Variants in TNNI3K observed in about 807,000 individuals in gnomAD.
TNNI3K encodes the protein serine/threonine-protein kinase TNNI3K.
Under a neutral mutation model 114.5 loss-of-function variants are expected in TNNI3K, and 140 were observed. That is an observed-to-expected ratio of 1.22 (90% CI 1.07 to 1.41). The LOEUF is 1.41. Ranked by LOEUF, TNNI3K falls within the 40% of genes most tolerant of loss-of-function variation. The probability of loss-of-function intolerance (pLI) is 0.00; values close to 1 mark genes in which losing one functional copy is unlikely to be tolerated. For missense variants in TNNI3K, 1,125 were observed against 1,007.6 expected (o/e 1.12, Z -1.58); for synonymous variants, 347 against 347.5 (o/e 1.00, Z 0.02).
intron 17 of TNNI3K, among the ~76,000 whole-genome samples, chr1:74,433,865 T>C (rs1340974320): frequency 1.3e-5 from 2 of 152,064 alleles, no homozygotes; most frequent in African/African-American, 2.4e-5. Context: ...TATGGCTCTT[T>C]CTCACTGTGT....
intron 2 of TNNI3K, among the ~76,000 whole-genome samples, chr1:74,238,579 G>T (rs1654000313): frequency 6.6e-6 from 1 of 152,008 alleles, no homozygotes; most frequent in South Asian, 2.1e-4. Context: ...AAAATGTAAA[G>T]TATTAGCACA....
intron 5 of TNNI3K, among the ~76,000 whole-genome samples, chr1:74,315,466 G>T (rs1659254114): frequency 6.6e-6 from 1 of 151,996 alleles, no homozygotes; most frequent in Non-Finnish European, 1.5e-5. Context: ...CAATGTCAGA[G>T]AATTAGTAAG....
At chr1:74,419,719 C>G (rs1338955239) in intron 17 of TNNI3K, among the ~76,000 whole-genome samples, 2 of 152,056 alleles carry the variant, frequency 1.3e-5, no homozygotes, top group African/African-American at 4.8e-5. Context: ...GCAAAAGTTT[C>G]CATCTAGTTC....
intron 2 of TNNI3K, among the ~76,000 whole-genome samples, chr1:74,245,276 G>A (rs1283009632): frequency 2.0e-5 from 3 of 152,172 alleles, no homozygotes; most frequent in Admixed American, 1.3e-4. Context: ...TCTAAACTCT[G>A]GTAGGGTACT....
intron 21 of TNNI3K, among the ~76,000 whole-genome samples, chr1:74,466,533 T>C (rs1667689171): frequency 1.3e-5 from 2 of 152,198 alleles, no homozygotes; most frequent in South Asian, 4.1e-4. Flanking sequence ...GAAGTGAAGT[T>C]TGTCAGCACG....
At chr1:74,370,519 C>T (rs1420088410) in intron 17 of TNNI3K, 127 bp downstream of exon 17, 2 of 696,940 alleles carry the variant, frequency 2.9e-6, no homozygotes, top group Non-Finnish European at 4.3e-6. Flanking sequence ...GGACAGGCTA[C>T]CATAAGCTTA....
intron 20 of TNNI3K, among the ~76,000 whole-genome samples, chr1:74,443,214 A>G (rs1452564148): frequency 3.3e-5 from 5 of 152,308 alleles, no homozygotes; most frequent in African/African-American, 1.2e-4. Flanking sequence ...AAAATCAATG[A>G]ATCCAGGAGG....
At chr1:74,419,150 G>C (rs1429369889) in intron 17 of TNNI3K, among the ~76,000 whole-genome samples, 1 of 151,982 alleles carries the variant, frequency 6.6e-6, no homozygotes, top group Admixed American at 6.6e-5. Flanking sequence ...CTGTCTAGAG[G>C]CTCTAGGGAA....
At chr1:74,513,777 A>G (rs1285364110) in intron 23 of TNNI3K, among the ~76,000 whole-genome samples, 1 of 152,200 alleles carries the variant, frequency 6.6e-6, no homozygotes, top group African/African-American at 2.4e-5. Flanking sequence ...TTTACAGTTT[A>G]GTGAATTTCA....
intron 23 of TNNI3K, among the ~76,000 whole-genome samples, chr1:74,505,785 G>T (rs566048216): frequency 6.6e-6 from 1 of 152,220 alleles, no homozygotes; most frequent in East Asian, 1.9e-4. Context: ...AAAAATACTG[G>T]ACCCAGGAAG....
At chr1:74,240,765 A>ATTTTTC (rs1189035032) in intron 2 of TNNI3K, 1 of 151,422 alleles carries the variant, frequency 6.6e-6, no homozygotes, top group Non-Finnish European at 1.5e-5. Flanking sequence ...AAAAGTTATA[A>ATTTTTC]TTTTTCTTTT....
chr1:74,346,286 G>A (rs1407537601), intron 9 of TNNI3K: 1 of 152,084 alleles, frequency 6.6e-6, no homozygotes, highest in African/African-American at 2.4e-5. Context: ...AGAAGTGTTT[G>A]GAGAGACAGT....
rs150158693 is a variant in TNNI3K, at chr1:74,418,274, C to A, written c.1773-17806C>A. ...CAGCAAGAAAGAAGGCATCTCAGTT[C>A]CTAACGAATGAAGTCACCACATCAG... On this transcript the variant is annotated intron_variant, in intron 17 of 24. Transcript: ENST00000326637. 473 of 406,796 alleles carry A rather than the reference C, an allele frequency of 1.2e-3. 3 individuals are homozygous for A. Among genetic ancestry groups the A allele is most frequent in the South Asian group, 1.2e-3 (69 of 56,820 alleles). 25.2% of individuals were successfully genotyped at this position (406,796 alleles called of 1,614,324 possible).
At chr1:74,500,310 G>A (rs981993582) in intron 23 of TNNI3K, among the ~76,000 whole-genome samples, 27 of 151,886 alleles carry the variant, frequency 1.8e-4, no homozygotes, top group Non-Finnish European at 2.9e-5. Context: ...CTTTCTTCTA[G>A]TATCATTTTT....
chr1:74,283,361 A>C (rs546617492), intron 5 of TNNI3K, among the ~76,000 whole-genome samples: 2 of 152,296 alleles, frequency 1.3e-5, no homozygotes, highest in East Asian at 3.9e-4. Flanking sequence ...ATGTATTATT[A>C]TCAGTTATTT....
intron 4 of TNNI3K, among the ~76,000 whole-genome samples, chr1:74,270,458 G>C (rs1449051715): frequency 6.6e-6 from 1 of 151,660 alleles, no homozygotes; most frequent in African/African-American, 2.4e-5. Flanking sequence ...AAAGGTTGAA[G>C]ATGCAATATT....
intron 9 of TNNI3K, among the ~76,000 whole-genome samples, chr1:74,347,518 T>G (rs1661081739): frequency 3.9e-5 from 6 of 152,142 alleles, no homozygotes. Flanking sequence ...ATATACCCAG[T>G]AATGGGATGG....
chr1:74,378,954 A>G (rs1183515056), intron 17 of TNNI3K, among the ~76,000 whole-genome samples: 5 of 151,940 alleles, frequency 3.3e-5, no homozygotes, highest in Admixed American at 6.6e-5. Context: ...ATACAAATAT[A>G]ATGTTAGTTG....
chr1:74,302,942 C>T (rs1275940823), intron 5 of TNNI3K, among the ~76,000 whole-genome samples: 1 of 152,120 alleles, frequency 6.6e-6, no homozygotes, highest in Non-Finnish European at 1.5e-5. Flanking sequence ...GAATAAGATG[C>T]CATCCAGGAC....
Sources: gnomAD v4.1 joint callset for allele counts (sites outside exome capture counted in the v4.1 genomes callset) on GRCh38, gnomAD v4.1.1 for gene constraint, MANE v1.5 for transcripts, NCBI Gene and HGNC (gene_info 2026-07-23, HGNC 2026-07-21) for gene names.